Variants in C1GALT1 observed in about 807,000 individuals in gnomAD.
The protein encoded by C1GALT1 is core 1 synthase, glycoprotein-N-acetylgalactosamine 3-beta-galactosyltransferase 1.
C1GALT1 carries 11 observed loss-of-function variants against 31.0 expected under a neutral mutation model. The ratio of observed to expected loss-of-function variants is 0.36; its 90% CI spans 0.22 to 0.59. C1GALT1 has a LOEUF of 0.59. Among genes scored for constraint, C1GALT1 ranks in the 20% least tolerant of loss-of-function variants. C1GALT1 has a pLI of 0.79. For missense variants in C1GALT1, 424 were observed against 425.2 expected, an observed-to-expected ratio of 1.00 and a Z score of 0.03; for synonymous variants, 175 against 143.6, an observed-to-expected ratio of 1.22 and a Z score of -1.56.
intron 2 of C1GALT1, among the ~76,000 whole-genome samples, chr7:7,163,374 A>T (rs894243125): frequency 5.3e-5 from 8 of 152,184 alleles, no homozygotes; most frequent in African/African-American, 1.9e-4. Flanking sequence ...CAATGGGCAA[A>T]AACTGGAAGC....
chr7:7,228,597 C>G (rs906592215), intron 1 of C1GALT1, among the ~76,000 whole-genome samples: 1 of 151,470 alleles, frequency 6.6e-6, no homozygotes, highest in South Asian at 2.1e-4. Flanking sequence ...CTATTTTATC[C>G]CAGGAGCAGG....
chr7:7,224,624 T>C (rs1331182317), intron 1 of C1GALT1, among the ~76,000 whole-genome samples: 2 of 152,122 alleles, frequency 1.3e-5, no homozygotes, highest in Admixed American at 6.5e-5. Flanking sequence ...TTTATACGTG[T>C]AGAGTTGTTT....
intron 2 of C1GALT1, among the ~76,000 whole-genome samples, chr7:7,176,696 G>T (rs886455443): frequency 1.3e-5 from 2 of 152,136 alleles, no homozygotes; most frequent in Admixed American, 6.5e-5. Context: ...TTCTTCCTCT[G>T]CTCTATTCTC....
intron 1 of C1GALT1, among the ~76,000 whole-genome samples, chr7:7,211,514 C>T (rs1782002556): frequency 6.6e-6 from 1 of 152,164 alleles, no homozygotes; most frequent in African/African-American, 2.4e-5. Context: ...AATACAACAG[C>T]AATGGAAACT....
chr7:7,177,490 A>G (rs1780516930), intron 2 of C1GALT1, among the ~76,000 whole-genome samples: 1 of 152,222 alleles, frequency 6.6e-6, no homozygotes, highest in Non-Finnish European at 1.5e-5. Context: ...CTGTCACAAC[A>G]AAGAGGAGCA....
intron 1 of C1GALT1, among the ~76,000 whole-genome samples, chr7:7,187,867 A>T (rs79956127): frequency 0.023 from 3,529 of 152,318 alleles, 122 homozygotes; most frequent in African/African-American, 0.079. Context: ...GGAAACCTGG[A>T]CAGGCTCTAG....
intron 1 of C1GALT1, 188 bp from the exon 2 acceptor site, chr7:7,234,113 AAT>A (rs1384985365): frequency 1.7e-6 from 1 of 577,584 alleles, no homozygotes; most frequent in Non-Finnish European, 3.1e-6. Context: ...CTGTCCTACT[AAT>A]TAATCTGGTT....
rs60450841 is a variant in C1GALT1 at position 7,159,122 on chromosome 7, A to C, written c.-18+1696A>C. ...AATGGGACTTAGAAACAGGAAAAAA[A>C]AGTCAAGAATCATGAAGGTGTTATA... On this transcript the variant is annotated intron_variant, in intron 2 of 3. Coordinates refer to the C1GALT1 transcript ENST00000429911. Among the ~76,000 whole-genome samples, 3 of 152,294 alleles carry C rather than the reference A, an allele frequency of 2.0e-5. No individual in the cohort carries two copies. In the East Asian group the frequency reaches 5.8e-4, roughly 29 times the overall value.
At chr7:7,167,137 T>A (rs1250923834) in intron 2 of C1GALT1, among the ~76,000 whole-genome samples, 1 of 152,206 alleles carries the variant, frequency 6.6e-6, no homozygotes, top group Non-Finnish European at 1.5e-5. Context: ...GTGGTTCAGC[T>A]GCATATTCTT....
intron 1 of C1GALT1, among the ~76,000 whole-genome samples, chr7:7,197,371 C>G (rs1015033038): frequency 6.6e-6 from 1 of 151,768 alleles, no homozygotes; most frequent in African/African-American, 2.4e-5. Flanking sequence ...GTTTTATTAC[C>G]GAGGGCTATA....
chr7:7,232,996 A>G (rs989895534), intron 1 of C1GALT1, among the ~76,000 whole-genome samples: 3 of 152,244 alleles, frequency 2.0e-5, no homozygotes, highest in Admixed American at 1.3e-4. Context: ...CTTCTGGTAT[A>G]TAATAAATGC....
chr7:7,193,513 A>G (rs1002392411), intron 1 of C1GALT1, among the ~76,000 whole-genome samples: 8 of 152,208 alleles, frequency 5.3e-5, no homozygotes, highest in East Asian at 1.9e-4. Flanking sequence ...TCATTGGTCT[A>G]TGTGCCTATT....
At chr7:7,234,163 T>C in intron 1 of C1GALT1, 140 bp from the exon 2 acceptor site, 1 of 645,374 alleles carries the variant, frequency 1.5e-6, no homozygotes, top group Non-Finnish European at 2.7e-6. Flanking sequence ...TAGCAGCAAA[T>C]AGAGGGGTAA....
At chr7:7,189,223 G>A (rs1037268761) in intron 1 of C1GALT1, among the ~76,000 whole-genome samples, 1 of 151,922 alleles carries the variant, frequency 6.6e-6, no homozygotes, top group South Asian at 2.1e-4. Context: ...ACAGACAGAC[G>A]TCTTATGGTT....
At chr7:7,157,380 C>G (rs1379001141) in exon 2 of C1GALT1, 1 of 152,364 alleles carries the variant, frequency 6.6e-6, no homozygotes, top group East Asian at 1.9e-4. Flanking sequence ...CACTGGCATT[C>G]TGAGGCTCAT....
chr7:7,201,145 T>A (rs1294268106), intron 1 of C1GALT1, among the ~76,000 whole-genome samples: 1 of 152,226 alleles, frequency 6.6e-6, no homozygotes, highest in East Asian at 1.9e-4. Flanking sequence ...TTATCTACCT[T>A]TGGTCTTTGA....
chr7:7,167,394 A>G (rs548167399), intron 2 of C1GALT1, among the ~76,000 whole-genome samples: 1 of 152,302 alleles, frequency 6.6e-6, no homozygotes, highest in Non-Finnish European at 1.5e-5. Flanking sequence ...AGAATGTTAT[A>G]CATTATGTAT....
chr7:7,192,288 A>AC (rs1440127014), intron 1 of C1GALT1, among the ~76,000 whole-genome samples: 2 of 150,758 alleles, frequency 1.3e-5, no homozygotes, highest in African/African-American at 4.9e-5. Context: ...TTTATCCCTC[A>AC]CCCCCTCCCA....
chr7:7,193,457 T>A (rs1009202351), intron 1 of C1GALT1, among the ~76,000 whole-genome samples: 2 of 152,148 alleles, frequency 1.3e-5, no homozygotes, highest in Non-Finnish European at 2.9e-5. Context: ...CAAAGATCAG[T>A]TGGCTGTTAA....
Sources: gnomAD v4.1 joint callset for allele counts (sites outside exome capture counted in the v4.1 genomes callset) on GRCh38, gnomAD v4.1.1 for gene constraint, MANE v1.5 for transcripts, NCBI Gene and HGNC (gene_info 2026-07-23, HGNC 2026-07-21) for gene names.